PDX1: variants seen among roughly 807,000 people sequenced by gnomAD.
The protein encoded by PDX1 is pancreatic and duodenal homeobox 1, also known as pancreas/duodenum homeobox protein 1.
A neutral mutation model predicts 11.1 loss-of-function variants in PDX1; 7 were observed. The observed-to-expected ratio is 0.63, with a 90% confidence interval of 0.36 to 1.19. The LOEUF (loss-of-function observed/expected upper bound fraction) is 1.19. Ranked by LOEUF, PDX1 falls within the 50% of genes most tolerant of loss-of-function variation. The pLI is 0.02. For synonymous variants in PDX1, 232 were observed against 196.2 expected, an observed-to-expected ratio of 1.18 and a Z score of -1.53; for missense variants, 449 against 412.1, an observed-to-expected ratio of 1.09 and a Z score of -0.78.
At chr13:27,923,966 C>A (rs1052169147) in intron 1 of PDX1, among the ~76,000 whole-genome samples, 1 of 152,180 alleles carries the variant, frequency 6.6e-6, no homozygotes, top group Non-Finnish European at 1.5e-5. Flanking sequence ...ATTATATGAG[C>A]GCATTCAAGG....
chr13:27,920,230 GC>G lies in PDX1; in HGVS notation c.98del (p.Pro33LeufsTer90). 6.5e-7 allele frequency: 1 copy of G among 1,548,618 alleles called. No individual in the cohort carries two copies. The highest frequency in any genetic ancestry group is 8.7e-7 in the Non-Finnish European group (1 of 1,146,134). On this transcript the variant is annotated frameshift_variant, in exon 1 of 2. Transcript: ENST00000381033. LOFTEE classifies it high-confidence loss of function. Reference sequence around the variant, plus strand: ...GGCCCGGCGCCGGAGTTCAGCGCCAGCCCCCCTGCGTGCCTGTACATGGGCC... The same window carrying G: ...GGCCCGGCGCCGGAGTTCAGCGCCAGCCCCCTGCGTGCCTGTACATGGGCC... ...QRGPAPEFSA[S>X]PPACLYMGRQ... is the part of the protein sequence containing the mutation.
At position 27,924,996 on chromosome 13, in the gene PDX1, C is replaced by T. The variant is rs1957815007; in HGVS notation, c.*295C>T. The T allele has an allele frequency of 5.5e-6, 2 of 360,892 alleles. No individual in the cohort carries two copies. The highest frequency in any genetic ancestry group is 4.8e-5 in the Admixed American group (1 of 20,764). The allele number at this position is 360,892 out of a possible 1,614,324, so 22.4% of individuals were successfully genotyped here. On this transcript the variant is annotated 3_prime_UTR_variant, in exon 2 of 2. Transcript: ENST00000381033. The surrounding 1 kb of genome is among the most constrained non-coding windows in gnomAD (Gnocchi z 4.8). Reference sequence around the variant, plus strand: ...CGTTGTTTGTGGCTGTTGCGCACATCCCTGCCCTCCTACAGCACTCCACCT... The same window carrying T: ...CGTTGTTTGTGGCTGTTGCGCACATTCCTGCCCTCCTACAGCACTCCACCT...
intron 1 of PDX1, among the ~76,000 whole-genome samples, chr13:27,923,903 C>T (rs921931978): frequency 6.6e-6 from 1 of 152,112 alleles, no homozygotes; most frequent in Non-Finnish European, 1.5e-5. Flanking sequence ...AGGATCCAGC[C>T]GGTTTAACTA....
rs762584321 is a variant in PDX1, at chr13:27,920,516, A to C, written c.378A>C (p.Lys126Asn). ...QLPFPWMKSTKAHAWKGQWAG... is the reference protein window; with the variant it reads ...QLPFPWMKSTNAHAWKGQWAG... ...CTTTCCCATGGATGAAGTCTACCAA[A>C]GCTCACGCGTGGAAAGGCCAGTGGG... Residue 126 changes from lysine (K) to asparagine (N), a missense_variant, in exon 1 of 2, where the codon AAA becomes AAC. Physicochemically the swap from Lys to Asn is moderately conservative, Grantham distance 94. This residue lies in a region of PDX1 where 263 missense variants were observed against 212.5 expected (regional missense o/e 1.24). Coordinates refer to ENST00000381033, the MANE Select transcript of PDX1 (RefSeq NM_000209.4). 9.9e-6 allele frequency: 16 copies of C among 1,612,744 alleles called. No homozygotes were observed. Among genetic ancestry groups the C allele is most frequent in the African/African-American group, 1.3e-5 (1 of 74,890 alleles).
chr13:27,923,876 C>A (rs149062516), intron 1 of PDX1, among the ~76,000 whole-genome samples: 1 of 152,208 alleles, frequency 6.6e-6, no homozygotes, highest in African/African-American at 2.4e-5. Context: ...GGATTAAAGG[C>A]GTTTTATTGC....
At chr13:27,920,678 G>A (rs949580886) in intron 1 of PDX1, 134 bp downstream of exon 1, 3 of 892,314 alleles carry the variant, frequency 3.4e-6, no homozygotes, top group Non-Finnish European at 5.5e-6. Flanking sequence ...ACATCAGGGA[G>A]CTACCGAGCC....
rs137852787 is a variant in PDX1, at chr13:27,924,519, G to A, written c.670G>A (p.Glu224Lys). ...CGGGGGTGGCGGGGTCGCGGAGCCT[G>A]AGCAGGACTGCGCCGTGACCTCCGG... ...AVGGGGVAEP[E>K]QDCAVTSGEE... The change falls in exon 2 of 2, where the codon GAG becomes AAG. Residue 224 changes from glutamate (E) to lysine (K), a missense_variant. Coordinates refer to ENST00000381033, the MANE Select transcript of PDX1 (RefSeq NM_000209.4). This position sits in a 1 kb window ranked among gnomAD's most constrained non-coding sequence, Gnocchi z 4.8. 817 of 1,607,848 alleles carry A rather than the reference G, an allele frequency of 5.1e-4. 7 individuals are homozygous for A. The South Asian group carries it at 8.6e-3, about 17-fold the overall frequency.
chr13:27,921,832 AC>A (rs1326426008), intron 1 of PDX1, among the ~76,000 whole-genome samples: 1 of 152,178 alleles, frequency 6.6e-6, no homozygotes, highest in Non-Finnish European at 1.5e-5. Context: ...CTCCAGCGAA[AC>A]CCAGTTGACA....
Position 27,924,516 on chromosome 13 carries a change from C to A in PDX1, c.667C>A (p.Pro223Thr), listed in dbSNP as rs747825143. The change falls in exon 2 of 2, where the codon CCT becomes ACT. Residue 223 changes from proline (P) to threonine (T), a missense_variant. Physicochemically the swap from Pro to Thr is conservative, Grantham distance 38. Around this residue, in one of 3 missense-constraint regions of PDX1, gnomAD observed 139 missense variants for 121.4 expected, o/e 1.14. Transcript: ENST00000381033. This position sits in a 1 kb window ranked among gnomAD's most constrained non-coding sequence, Gnocchi z 4.8. ...TGTCGGGGGTGGCGGGGTCGCGGAG[C>A]CTGAGCAGGACTGCGCCGTGACCTC... ...TAVGGGGVAE[P>T]EQDCAVTSGE... 1 of 1,609,050 alleles carries A rather than the reference C, an allele frequency of 6.2e-7. No homozygotes were observed. Among genetic ancestry groups the A allele is most frequent in the Non-Finnish European group, 8.5e-7 (1 of 1,178,580 alleles).
rs1019912897 is a variant in PDX1 at position 27,926,211 on chromosome 13, A to G, written c.*1510A>G. On this transcript the variant is annotated 3_prime_UTR_variant, in exon 2 of 2. Transcript: ENST00000381033. The stretch of plus-strand genomic sequence containing the variant: ...GAAATGCTTAATAAATACTGATAAT[A>G]TGGGAAGAGATGAAAACTGATTCTC... 1.3e-5 allele frequency: 2 copies of G among 152,258 alleles called. No individual in the cohort carries two copies. Among genetic ancestry groups the G allele is most frequent in the Non-Finnish European group, 2.9e-5 (2 of 68,054 alleles). 9.4% of individuals were successfully genotyped at this position (152,258 alleles called of 1,614,324 possible). A position where few individuals can be genotyped will look rare whatever the true frequency, so the allele number is the denominator to read the frequency against.
intron 1 of PDX1, among the ~76,000 whole-genome samples, chr13:27,923,375 A>G (rs1183191053): frequency 6.6e-6 from 1 of 151,770 alleles, no homozygotes; most frequent in African/African-American, 2.4e-5. Flanking sequence ...TCCCCTCAAC[A>G]CCTCTGAGGG....
At position 27,920,091 on chromosome 13, in the gene PDX1, C is replaced by G; in HGVS notation, c.-48C>G. The stretch of plus-strand genomic sequence containing the variant: ...AAATCCCCGGCTCCAGCTCCCGACT[C>G]CCGGCTCCCGGCTCCCGGCTCCCGG... On this transcript the variant is annotated 5_prime_UTR_variant, in exon 1 of 2. Transcript: ENST00000381033. The G allele has an allele frequency of 6.5e-7, 1 of 1,544,484 alleles. No individual in the cohort carries two copies. Among genetic ancestry groups the G allele is most frequent in the South Asian group, 1.2e-5 (1 of 83,836 alleles).
At chr13:27,921,262 CTGT>C (rs1957784632) in intron 1 of PDX1, among the ~76,000 whole-genome samples, 1 of 152,248 alleles carries the variant, frequency 6.6e-6, no homozygotes, top group Admixed American at 6.5e-5. Context: ...GCAATTGAAG[CTGT>C]CTCCCCGCAC....
intron 1 of PDX1, among the ~76,000 whole-genome samples, chr13:27,920,927 G>A (rs1186936004): frequency 1.3e-5 from 2 of 152,198 alleles, no homozygotes; most frequent in Non-Finnish European, 2.9e-5. Flanking sequence ...GCACATCGAG[G>A]AAGCCGAGTA....
At chr13:27,921,361 C>T (rs973421518) in intron 1 of PDX1, among the ~76,000 whole-genome samples, 2 of 152,224 alleles carry the variant, frequency 1.3e-5, no homozygotes, top group Admixed American at 6.5e-5. Flanking sequence ...TGCGGCCCTC[C>T]GCGCCGGCAG....
Position 27,924,613 on chromosome 13 carries a change from C to A in PDX1, c.764C>A (p.Ala255Asp). The A allele has an allele frequency of 6.8e-7, 1 of 1,468,646 alleles. No individual in the cohort carries two copies. The highest frequency in any genetic ancestry group is 9.0e-7 in the Non-Finnish European group (1 of 1,115,692). The allele number at this position is 1,468,646 out of a possible 1,614,324, so 91.0% of individuals were successfully genotyped here. A position where few individuals can be genotyped will look rare whatever the true frequency, so the allele number is the denominator to read the frequency against. ...GGAVPPAAPV[A>D]AREGRLPPGL... ...GCTGTGCCGCCCGCTGCCCCCGTTG[C>A]CGCCCGAGAGGGCCGCCTGCCGCCT... The change falls in exon 2 of 2, where the codon GCC (alanine) becomes GAC (aspartate). Residue 255 changes from alanine to aspartate, a missense_variant. Around this residue, in one of 3 missense-constraint regions of PDX1, gnomAD observed 139 missense variants for 121.4 expected, o/e 1.14. Coordinates refer to ENST00000381033, the MANE Select transcript of PDX1 (RefSeq NM_000209.4). The surrounding 1 kb of genome is among the most constrained non-coding windows in gnomAD (Gnocchi z 4.8).
rs994540052 is a variant in PDX1, at chr13:27,924,051, T to C, written c.407-205T>C. On this transcript the variant is annotated intron_variant, in intron 1 of 1. Transcript: ENST00000381033. This position sits in a 1 kb window ranked among gnomAD's most constrained non-coding sequence, Gnocchi z 4.8. Reference sequence around the variant, plus strand: ...AGTTTGGTCTCCAATAAAAAGGCTATCTTTATTAGGAAGGGCTTGAGTTAC... The same window carrying C: ...AGTTTGGTCTCCAATAAAAAGGCTACCTTTATTAGGAAGGGCTTGAGTTAC... 2.0e-5 allele frequency among the ~76,000 whole-genome samples: 3 copies of C among 152,214 alleles called. No individual in the cohort carries two copies. Among genetic ancestry groups the C allele is most frequent in the East Asian group, 1.9e-4 (1 of 5,192 alleles).
intron 1 of PDX1, among the ~76,000 whole-genome samples, chr13:27,923,565 C>T (rs1185562528): frequency 6.6e-6 from 1 of 152,208 alleles, no homozygotes; most frequent in Non-Finnish European, 1.5e-5. Context: ...AGAGAGGAAA[C>T]ACATGGTCAG....
chr13:27,924,744 C>T lies in PDX1; in HGVS notation c.*43C>T, dbSNP rs1280696225. On this transcript the variant is annotated 3_prime_UTR_variant, in exon 2 of 2. Coordinates refer to ENST00000381033, the MANE Select transcript of PDX1 (RefSeq NM_000209.4). This position sits in a 1 kb window ranked among gnomAD's most constrained non-coding sequence, Gnocchi z 4.8. ...TGGCTGAGGGGCTTCAACCACTCGC[C>T]GAGGAGGAGCAGAGGGCCTAGGAGG... The T allele has an allele frequency of 5.6e-5, 79 of 1,398,854 alleles. No individual in the cohort carries two copies. Among genetic ancestry groups the T allele is most frequent in the Non-Finnish European group, 7.3e-5 (79 of 1,074,978 alleles). 86.7% of individuals were successfully genotyped at this position (1,398,854 alleles called of 1,614,324 possible). A position where few individuals can be genotyped will look rare whatever the true frequency, so the allele number is the denominator to read the frequency against.
Sources: gnomAD v4.1 joint callset for allele counts (sites outside exome capture counted in the v4.1 genomes callset) on GRCh38, gnomAD v4.1.1 for gene constraint, gnomAD v4.1.1 regional missense constraint, Gnocchi (gnomAD v3.1) non-coding constraint, MANE v1.5 for transcripts, NCBI Gene and HGNC (gene_info 2026-07-23, HGNC 2026-07-21) for gene names.